GNA12: variants seen among roughly 807,000 people sequenced by gnomAD.
GNA12 encodes the protein G protein subunit alpha 12, also known as guanine nucleotide-binding protein subunit alpha-12.
A neutral mutation model predicts 26.0 loss-of-function variants in GNA12; 9 were observed. The observed-to-expected ratio is 0.35, with a 90% CI of 0.21 to 0.60. The LOEUF (loss-of-function observed/expected upper bound fraction) is 0.60, where lower values mean the gene tolerates loss of function less well. Ranked by LOEUF, GNA12 falls within the 20% of genes least tolerant of loss-of-function variation. The pLI, the probability that GNA12 is intolerant of heterozygous loss-of-function variation, is 0.78. For synonymous variants in GNA12, 264 were observed against 219.6 expected, an observed-to-expected ratio of 1.20 and a Z score of -1.79; for missense variants, 405 against 525.8, an observed-to-expected ratio of 0.77 and a Z score of 2.25.
At chr7:2,831,294 A>G (rs1018227941) in intron 1 of GNA12, among the ~76,000 whole-genome samples, 1 of 151,832 alleles carries the variant, frequency 6.6e-6, no homozygotes, top group Non-Finnish European at 1.5e-5. Context: ...ACATCACTCC[A>G]TACTTTTAAC....
intron 2 of GNA12, among the ~76,000 whole-genome samples, chr7:2,791,787 C>T (rs1393968697): frequency 1.3e-5 from 2 of 152,168 alleles, no homozygotes; most frequent in African/African-American, 4.8e-5. Flanking sequence ...TTCAGTTTTG[C>T]TGTAATTGTG....
At chr7:2,828,942 G>C (rs1233829549) in intron 1 of GNA12, among the ~76,000 whole-genome samples, 2 of 152,050 alleles carry the variant, frequency 1.3e-5, no homozygotes, top group African/African-American at 4.8e-5. Flanking sequence ...GTGTGGTGGT[G>C]TCTGCCTGCA....
intron 1 of GNA12, among the ~76,000 whole-genome samples, chr7:2,801,815 T>C (rs1282717844): frequency 2.0e-5 from 3 of 152,218 alleles, no homozygotes; most frequent in African/African-American, 7.2e-5. Context: ...CGAAGTTTTC[T>C]ACTTGGGGAC....
rs751715632 is a variant in GNA12, at chr7:2,795,002, C to G, written c.451G>C (p.Val151Leu). ...PVEPATFQLY[V>L]PALSALWRDS... is the part of the protein sequence containing the mutation. Reference sequence around the variant, plus strand: ...CTCCAGAGTGCGCTCAGGGCCGGGACGTACAGCTGGAAGGTGGCCGGCTCC... The same window carrying G: ...CTCCAGAGTGCGCTCAGGGCCGGGAGGTACAGCTGGAAGGTGGCCGGCTCC... Residue 151 changes from valine to leucine, a missense_variant, in exon 2 of 4, where the codon GTC becomes CTC. Coordinates refer to ENST00000275364, the MANE Select transcript of GNA12 (RefSeq NM_007353.3). The G allele has an allele frequency of 4.3e-6, 7 of 1,614,064 alleles. No homozygotes were observed. The African/African-American group carries it at 6.7e-5, about 15-fold the overall frequency.
At chr7:2,839,272 C>T (rs1054776055) in intron 1 of GNA12, among the ~76,000 whole-genome samples, 2 of 152,026 alleles carry the variant, frequency 1.3e-5, no homozygotes, top group Non-Finnish European at 2.9e-5. Flanking sequence ...CTTACTCTGT[C>T]GCCCAGGATA....
chr7:2,814,696 A>C (rs1793172733), intron 1 of GNA12, among the ~76,000 whole-genome samples: 1 of 148,148 alleles, frequency 6.8e-6, no homozygotes, highest in Admixed American at 6.8e-5. Context: ...AAAAGGCTGG[A>C]CCAGTCACCG....
At chr7:2,792,425 A>G (rs1792543468) in intron 2 of GNA12, among the ~76,000 whole-genome samples, 1 of 152,222 alleles carries the variant, frequency 6.6e-6, no homozygotes, top group African/African-American at 2.4e-5. Context: ...GACACCCTGC[A>G]CTGACGGAAC....
intron 2 of GNA12, among the ~76,000 whole-genome samples, chr7:2,767,745 T>C (rs1791842731): frequency 6.6e-6 from 1 of 152,276 alleles, no homozygotes; most frequent in South Asian, 2.1e-4. Context: ...AAAGATAACA[T>C]GGTACATATG....
chr7:2,814,860 C>G, intron 1 of GNA12: 2 of 1,600,314 alleles, frequency 1.2e-6, no homozygotes, highest in Non-Finnish European at 1.7e-6. Context: ...CTGCTCCCCT[C>G]CACAGCACTC....
At chr7:2,804,783 G>A (rs933717157) in intron 1 of GNA12, among the ~76,000 whole-genome samples, 1 of 152,090 alleles carries the variant, frequency 6.6e-6, no homozygotes, top group African/African-American at 2.4e-5. Flanking sequence ...AGAGAGCTGG[G>A]CGTGATGGCT....
intron 2 of GNA12, among the ~76,000 whole-genome samples, chr7:2,772,285 G>A (rs1044082692): frequency 6.6e-6 from 1 of 152,162 alleles, no homozygotes; most frequent in Non-Finnish European, 1.5e-5. Flanking sequence ...AAACATGCTG[G>A]GTGCAGTGGC....
At chr7:2,777,666 A>G (rs1792112062) in intron 2 of GNA12, among the ~76,000 whole-genome samples, 1 of 152,074 alleles carries the variant, frequency 6.6e-6, no homozygotes, top group South Asian at 2.1e-4. Flanking sequence ...TCAGGAAGAG[A>G]GCCCTCACCA....
At chr7:2,789,631 G>A (rs922493638) in intron 2 of GNA12, among the ~76,000 whole-genome samples, 7 of 152,186 alleles carry the variant, frequency 4.6e-5, no homozygotes, top group Non-Finnish European at 1.0e-4. Context: ...CACAGACCGG[G>A]TGGCAACATC....
intron 1 of GNA12, among the ~76,000 whole-genome samples, chr7:2,801,070 C>A (rs1043058959): frequency 1.2e-4 from 19 of 152,114 alleles, no homozygotes; most frequent in Non-Finnish European, 1.9e-4. Flanking sequence ...TTGTACAAAT[C>A]AGAAAAACGC....
intron 2 of GNA12, among the ~76,000 whole-genome samples, chr7:2,770,149 A>T (rs1791912288): frequency 2.0e-5 from 3 of 152,164 alleles, no homozygotes. Context: ...AAATAAACAA[A>T]CCTACAATGT....
At position 2,814,339 on chromosome 7, in the gene GNA12, G is replaced by A. The variant is rs372088047; in HGVS notation, c.310-19196C>T. On this transcript the variant is annotated intron_variant, in intron 1 of 3. Coordinates refer to ENST00000275364, the MANE Select transcript of GNA12 (RefSeq NM_007353.3). ...TGGACCCAGGGTGTGCAATGAGTAG[G>A]TGCTCAAAACGGCAGCACTTTCGGT... 4.2e-5 allele frequency: 68 copies of A among 1,600,388 alleles called. No individual in the cohort carries two copies. In the African/African-American group the frequency reaches 8.8e-4, roughly 21 times the overall value.
intron 1 of GNA12, among the ~76,000 whole-genome samples, chr7:2,808,155 G>C (rs1792993586): frequency 6.6e-6 from 1 of 152,230 alleles, no homozygotes; most frequent in South Asian, 2.1e-4. Context: ...GTTGGCCTCT[G>C]CAAGTTTCAA....
chr7:2,771,501 C>T (rs567259471), intron 2 of GNA12, among the ~76,000 whole-genome samples: 2 of 152,304 alleles, frequency 1.3e-5, no homozygotes, highest in African/African-American at 4.8e-5. Context: ...CGGCATCTAT[C>T]CCTCCATGTT....
intron 2 of GNA12, among the ~76,000 whole-genome samples, chr7:2,780,093 T>TATATATATATATATA (rs57390413): frequency 7.7e-6 from 1 of 130,136 alleles, no homozygotes; most frequent in African/African-American, 3.0e-5. Flanking sequence ...TATATATATA[T>TATATATATATATATA]GCCTGTTTTC....
Sources: gnomAD v4.1 joint callset for allele counts (sites outside exome capture counted in the v4.1 genomes callset) on GRCh38, gnomAD v4.1.1 for gene constraint, MANE v1.5 for transcripts, NCBI Gene and HGNC (gene_info 2026-07-23, HGNC 2026-07-21) for gene names.